The following NBAS variants were observed in gnomAD, a reference collection of about 807,000 sequenced individuals.
NBAS encodes NAG/BC035112 fusion.
Under a neutral mutation model 302.5 loss-of-function variants are expected in NBAS, and 219 were observed. That is an observed-to-expected ratio of 0.72 (90% CI 0.65 to 0.81). The LOEUF (loss-of-function observed/expected upper bound fraction) is 0.81, where lower values mean the gene tolerates loss of function less well. Ranked by LOEUF, NBAS falls within the 30% of genes least tolerant of loss-of-function variation. NBAS has a pLI of 0.00. For synonymous variants in NBAS, 1,118 were observed against 1,021.6 expected, an observed-to-expected ratio of 1.09 and a Z score of -1.80; for missense variants, 2,932 against 2,841.6, an observed-to-expected ratio of 1.03 and a Z score of -0.72.
the NBAS span, among the ~76,000 whole-genome samples, chr2:15,034,323 G>GGCAA: frequency 6.7e-6 from 1 of 148,864 alleles, no homozygotes; most frequent in African/African-American, 2.5e-5. Context: ...AGGGAAGGAA[G>GGCAA]GCAGGCAGGC....
At chr2:15,301,410 C>T (rs570989928) in intron 40 of NBAS, among the ~76,000 whole-genome samples, 9 of 152,288 alleles carry the variant, frequency 5.9e-5, no homozygotes, top group African/African-American at 2.2e-4. Flanking sequence ...AATCCCACAC[C>T]GTGTTCTGCT....
Position 15,511,350 on chromosome 2 carries a change from T to C in NBAS, c.747A>G (p.Arg249=). ...INTAIYHPGH[R]LLLVGGCETA... ...TTTCACATCCACCAACAAGTAAAAG[T>C]CTAAAAAGGAGAAAATTTTTAAAAA... Residue 249 remains arginine (R), a splice_region_variant and synonymous_variant, in exon 10 of 52, where the codon AGA becomes AGG. Coordinates refer to ENST00000281513, the MANE Select transcript of NBAS (RefSeq NM_015909.4). The C allele has an allele frequency of 1.2e-6, 2 of 1,613,586 alleles. No individual in the cohort carries two copies. Among genetic ancestry groups the C allele is most frequent in the Middle Eastern group, 1.7e-4 (1 of 6,060 alleles).
chr2:15,107,420 T>C, the NBAS span, among the ~76,000 whole-genome samples: 1 of 152,118 alleles, frequency 6.6e-6, no homozygotes, highest in East Asian at 1.9e-4. Context: ...CTGTGGTATT[T>C]TTGCTAGGCA....
chr2:15,346,650 C>CTAT (rs1427037912), intron 35 of NBAS, among the ~76,000 whole-genome samples: 3 of 152,100 alleles, frequency 2.0e-5, no homozygotes, highest in African/African-American at 7.2e-5. Flanking sequence ...TCTCATTACT[C>CTAT]AGTATATACT....
the NBAS span, among the ~76,000 whole-genome samples, chr2:14,926,263 C>T: frequency 6.6e-6 from 1 of 152,300 alleles, no homozygotes; most frequent in African/African-American, 2.4e-5. Context: ...GCTAGAGAGG[C>T]CTGTGCCTAC....
intron 21 of NBAS, among the ~76,000 whole-genome samples, chr2:15,442,471 C>T (rs1003082851): frequency 2.0e-5 from 3 of 151,922 alleles, no homozygotes; most frequent in African/African-American, 7.3e-5. Context: ...AAAGACACAA[C>T]ATACCAGAAT....
chr2:15,038,634 C>T, the NBAS span, among the ~76,000 whole-genome samples: 1 of 152,094 alleles, frequency 6.6e-6, no homozygotes, highest in Admixed American at 6.5e-5. Context: ...ACTTCTGTGT[C>T]GTGATGTCAG....
the NBAS span, among the ~76,000 whole-genome samples, chr2:15,035,116 GT>G: frequency 0.063 from 8,697 of 138,842 alleles, 636 homozygotes; most frequent in African/African-American, 0.18. Flanking sequence ...GGAGTGTGGG[GT>G]TTTTTTTTTT....
At chr2:14,797,964 C>T in the NBAS span, among the ~76,000 whole-genome samples, 1 of 152,208 alleles carries the variant, frequency 6.6e-6, no homozygotes, top group Non-Finnish European at 1.5e-5. Flanking sequence ...CTTCAACCTT[C>T]CTAAACTAAC....
At chr2:14,924,052 C>T in the NBAS span, among the ~76,000 whole-genome samples, 1 of 152,198 alleles carries the variant, frequency 6.6e-6, no homozygotes, top group Non-Finnish European at 1.5e-5. Flanking sequence ...TCTAAAGAAT[C>T]TCACACAGAA....
At position 15,488,935 on chromosome 2, in the gene NBAS, G is replaced by T; in HGVS notation, c.1042C>A (p.Pro348Thr). 6.2e-7 allele frequency: 1 copy of T among 1,613,872 alleles called. No homozygotes were observed. The highest frequency in any genetic ancestry group is 1.3e-5 in the African/African-American group (1 of 75,004). ...CATTCCCCTTGTTGCTTCAGAGATG[G>T]AATCGCCCAGATGCTCAGTTTCCCT... The part of the protein sequence containing the change: ...FSGKLSIWAI[P>T]SLKQQGEWGQ... Residue 348 changes from proline to threonine, a missense_variant, in exon 12 of 52, where the codon CCA (proline) becomes ACA (threonine). Physicochemically the swap from Pro to Thr is conservative, Grantham distance 38. Transcript: ENST00000281513.
intron 11 of NBAS, among the ~76,000 whole-genome samples, chr2:15,498,791 A>G (rs1309825736): frequency 6.6e-6 from 1 of 151,854 alleles, no homozygotes; most frequent in East Asian, 1.9e-4. Context: ...CATGGTAAAG[A>G]TGTGTTTCCT....
chr2:15,138,006 A>G, the NBAS span, among the ~76,000 whole-genome samples: 4 of 152,124 alleles, frequency 2.6e-5, no homozygotes, highest in Non-Finnish European at 5.9e-5. Context: ...TTCTGCCAGC[A>G]CCACCAACAG....
At chr2:15,489,816 G>A (rs915864880) in intron 11 of NBAS, among the ~76,000 whole-genome samples, 2 of 152,146 alleles carry the variant, frequency 1.3e-5, no homozygotes, top group Non-Finnish European at 2.9e-5. Context: ...CACCACCTAC[G>A]ATACACTCAG....
At chr2:14,962,844 T>C in the NBAS span, among the ~76,000 whole-genome samples, 15 of 152,048 alleles carry the variant, frequency 9.9e-5, no homozygotes, top group Admixed American at 3.3e-4. Context: ...TTGTAATAAA[T>C]TAAGTTGCTG....
intron 9 of NBAS, among the ~76,000 whole-genome samples, chr2:15,516,354 T>C (rs1375665651): frequency 6.6e-6 from 1 of 152,146 alleles, no homozygotes; most frequent in Admixed American, 6.6e-5. Flanking sequence ...CTGGGCTTTG[T>C]GCATCTTGAC....
chr2:15,120,974 G>A, the NBAS span, among the ~76,000 whole-genome samples: 1 of 152,108 alleles, frequency 6.6e-6, no homozygotes, highest in Non-Finnish European at 1.5e-5. Flanking sequence ...CCTATTCACA[G>A]CTTTTCTCCA....
intron 28 of NBAS, among the ~76,000 whole-genome samples, chr2:15,384,762 T>C (rs779942643): frequency 5.3e-5 from 8 of 152,224 alleles, no homozygotes; most frequent in Non-Finnish European, 8.8e-5. Flanking sequence ...TTCTACATAA[T>C]CATGAATATC....
chr2:14,948,356 A>T, the NBAS span, among the ~76,000 whole-genome samples: 1 of 152,096 alleles, frequency 6.6e-6, no homozygotes, highest in Non-Finnish European at 1.5e-5. Context: ...TTAATAAAAG[A>T]CATTTTGTTA....
Sources: allele counts gnomAD v4.1 joint callset (sites outside exome capture counted in the v4.1 genomes callset), GRCh38; gene constraint gnomAD v4.1.1; transcripts MANE v1.5; gene names NCBI Gene and HGNC (gene_info 2026-07-23, HGNC 2026-07-21).